Variants in GPRIN3 observed in about 807,000 individuals in gnomAD.
The protein encoded by GPRIN3 is G protein-regulated inducer of neurite outgrowth 3.
A neutral mutation model predicts 13.7 loss-of-function variants in GPRIN3; 12 were observed. The ratio of observed to expected loss-of-function variants is 0.87; its 90% CI spans 0.56 to 1.42. The LOEUF (loss-of-function observed/expected upper bound fraction) is 1.42. GPRIN3 is among the 40% of genes most tolerant of loss of function. GPRIN3 has a pLI of 0.00. For synonymous variants in GPRIN3, 377 were observed against 372.7 expected (o/e 1.01, Z -0.13); for missense variants, 1,009 against 958.7 (o/e 1.05, Z -0.69).
At chr4:89,263,478 C>A (rs1191087223) in intron 1 of GPRIN3, among the ~76,000 whole-genome samples, 1 of 152,118 alleles carries the variant, frequency 6.6e-6, no homozygotes, top group East Asian at 1.9e-4. Context: ...CCCTCCTCTT[C>A]CTGTGTGAAA....
chr4:89,292,288 G>A (rs910142962), intron 1 of GPRIN3, among the ~76,000 whole-genome samples: 2 of 152,048 alleles, frequency 1.3e-5, no homozygotes, highest in African/African-American at 4.8e-5. Context: ...GTATATGTCT[G>A]AAAAAACAGA....
intron 1 of GPRIN3, among the ~76,000 whole-genome samples, chr4:89,304,071 C>T (rs949239303): frequency 1.3e-5 from 2 of 152,150 alleles, no homozygotes; most frequent in African/African-American, 4.8e-5. Flanking sequence ...CATCCAGGTC[C>T]ATCCATCTTT....
In GPRIN3 at chr4:89,249,461, C is replaced by T. The variant is rs1275486265; in HGVS notation, c.650G>A (p.Gly217Asp). The T allele has an allele frequency of 1.2e-6, 2 of 1,614,102 alleles. No individual in the cohort carries two copies. Among genetic ancestry groups the T allele is most frequent in the South Asian group, 1.1e-5 (1 of 91,070 alleles). ...RVVSHSSSPV[G>D]GPEGERQGAI... ...TCCCTGCCTTTCCCCTTCAGGTCCA[C>T]CTACAGGAGAGGATGAGTGACTGAC... Residue 217 changes from glycine to aspartate, a missense_variant, in exon 2 of 2, where the codon GGT (glycine) becomes GAT (aspartate). Physicochemically the swap from Gly to Asp is moderately conservative, Grantham distance 94. Coordinates refer to ENST00000609438, the MANE Select transcript of GPRIN3 (RefSeq NM_198281.3).
intron 1 of GPRIN3, among the ~76,000 whole-genome samples, chr4:89,296,600 G>A (rs1268040547): frequency 1.3e-5 from 2 of 152,000 alleles, no homozygotes; most frequent in East Asian, 1.9e-4. Context: ...TAGTTTCTAG[G>A]TCCAAAGTCC....
At chr4:89,289,530 TTAAAA>T (rs1724515055) in intron 1 of GPRIN3, among the ~76,000 whole-genome samples, 1 of 152,168 alleles carries the variant, frequency 6.6e-6, no homozygotes, top group South Asian at 2.1e-4. Flanking sequence ...ATATAGCTCT[TTAAAA>T]TAAAGCAAGC....
Position 89,248,698 on chromosome 4 carries a change from A to C in GPRIN3, c.1413T>G (p.Ile471Met), listed in dbSNP as rs1723195462. 6.2e-7 allele frequency: 1 copy of C among 1,614,166 alleles called. No individual in the cohort carries two copies. Among genetic ancestry groups the C allele is most frequent in the East Asian group, 2.2e-5 (1 of 44,878 alleles). ...CAGCTTGACTGCATGCACTGATAGA[A>C]ATCTGGTCAATGGCGGTAGCTTTCA... is the stretch of plus-strand genomic sequence containing the variant. ...SSLKATAIDQISISACSQAET... is the reference protein window; with the variant it reads ...SSLKATAIDQMSISACSQAET... Residue 471 changes from isoleucine to methionine, a missense_variant, in exon 2 of 2, where the codon ATT (isoleucine) becomes ATG (methionine). By Grantham distance (10) the Ile-to-Met change is conservative (BLOSUM62 1). Coordinates refer to ENST00000609438, the MANE Select transcript of GPRIN3 (RefSeq NM_198281.3).
Position 89,249,934 on chromosome 4 carries a change from C to A in GPRIN3, c.177G>T (p.Arg59Ser), listed in dbSNP as rs1578073177. 1 of 1,614,060 alleles carries A rather than the reference C, an allele frequency of 6.2e-7. No individual in the cohort carries two copies. The highest frequency in any genetic ancestry group is 1.3e-5 in the African/African-American group (1 of 74,920). ...GAPAEPDLSP[R>S]AAAEALMQVC... ...CCTGCATCAGGGCTTCGGCAGCTGC[C>A]CTGGGGCTGAGGTCTGGTTCTGCAG... The change falls in exon 2 of 2, where the codon AGG becomes AGT. Residue 59 changes from arginine to serine, a missense_variant. Coordinates refer to ENST00000609438, the MANE Select transcript of GPRIN3 (RefSeq NM_198281.3).
chr4:89,284,015 C>T (rs17015323), intron 1 of GPRIN3, among the ~76,000 whole-genome samples: 31,533 of 151,964 alleles, frequency 0.21, 3,522 homozygotes, highest in Non-Finnish European at 0.23. Context: ...TGATTGAATG[C>T]GAAGGATGAA....
intron 1 of GPRIN3, among the ~76,000 whole-genome samples, chr4:89,270,989 G>A (rs1320302873): frequency 6.6e-6 from 1 of 152,086 alleles, no homozygotes; most frequent in Non-Finnish European, 1.5e-5. Flanking sequence ...TGAAGTGGAA[G>A]GATCTGACTA....
chr4:89,256,075 C>G (rs150545897), intron 1 of GPRIN3, among the ~76,000 whole-genome samples: 7 of 152,132 alleles, frequency 4.6e-5, no homozygotes, highest in Non-Finnish European at 1.0e-4. Flanking sequence ...GGCTAAGTAA[C>G]CCACTCAAGA....
At chr4:89,258,176 T>C (rs906657927) in intron 1 of GPRIN3, among the ~76,000 whole-genome samples, 3 of 151,258 alleles carry the variant, frequency 2.0e-5, no homozygotes, top group African/African-American at 7.3e-5. Flanking sequence ...AAGCTTTATG[T>C]GACATAGAAG....
At chr4:89,292,466 C>T (rs536164811) in intron 1 of GPRIN3, among the ~76,000 whole-genome samples, 1 of 152,222 alleles carries the variant, frequency 6.6e-6, no homozygotes, top group South Asian at 2.1e-4. Context: ...AATTAGATCA[C>T]ATATATTTCA....
intron 1 of GPRIN3, among the ~76,000 whole-genome samples, chr4:89,258,973 C>T (rs760134866): frequency 7.2e-5 from 11 of 152,176 alleles, no homozygotes; most frequent in Non-Finnish European, 1.5e-4. Flanking sequence ...AATAAACAAT[C>T]GTGAGTTATT....
intron 1 of GPRIN3, among the ~76,000 whole-genome samples, chr4:89,262,807 C>T (rs879457943): frequency 6.6e-6 from 1 of 152,122 alleles, no homozygotes; most frequent in Non-Finnish European, 1.5e-5. Context: ...GATTTCTCTG[C>T]CCTGCCCACC....
chr4:89,299,918 T>C (rs552300861), intron 1 of GPRIN3, among the ~76,000 whole-genome samples: 10 of 152,302 alleles, frequency 6.6e-5, no homozygotes, highest in South Asian at 2.1e-4. Flanking sequence ...ATCTCAGTCA[T>C]TGGTCTTTAA....
chr4:89,264,173 G>A (rs767603781), intron 1 of GPRIN3, among the ~76,000 whole-genome samples: 1 of 152,138 alleles, frequency 6.6e-6, no homozygotes, highest in Non-Finnish European at 1.5e-5. Context: ...TTAGGTCATG[G>A]GGGTGGATTC....
intron 1 of GPRIN3, among the ~76,000 whole-genome samples, chr4:89,255,792 G>A (rs28432746): frequency 0.19 from 28,215 of 152,054 alleles, 2,962 homozygotes; most frequent in South Asian, 0.43. Flanking sequence ...GTCAAGACCT[G>A]GTTGAGAAGA....
In GPRIN3 at chr4:89,248,204, C is replaced by A; in HGVS notation, c.1907G>T (p.Ser636Ile). Residue 636 changes from serine to isoleucine, a missense_variant, in exon 2 of 2, where the codon AGC (serine) becomes ATC (isoleucine). Physicochemically the swap from Ser to Ile is moderately radical, Grantham distance 142 (BLOSUM62 -2). Coordinates refer to ENST00000609438, the MANE Select transcript of GPRIN3 (RefSeq NM_198281.3). ...CTCCTTGAGGAACTCGCTGACGCGG[C>A]TGGGCCTGCGTGGGCTGGCTTTGAC... is the stretch of plus-strand genomic sequence containing the variant. ...RSVKASPRRP[S>I]RVSEFLKEQK... 1 of 1,614,210 alleles carries A rather than the reference C, an allele frequency of 6.2e-7. No individual in the cohort carries two copies. The highest frequency in any genetic ancestry group is 8.5e-7 in the Non-Finnish European group (1 of 1,180,032).
intron 1 of GPRIN3, among the ~76,000 whole-genome samples, chr4:89,261,769 A>C (rs1018961332): frequency 6.6e-6 from 1 of 152,180 alleles, no homozygotes; most frequent in African/African-American, 2.4e-5. Context: ...TGCTATTTTG[A>C]TGAAATGAAT....
Sources: allele counts gnomAD v4.1 joint callset (sites outside exome capture counted in the v4.1 genomes callset), GRCh38; gene constraint gnomAD v4.1.1; transcripts MANE v1.5; gene names NCBI Gene and HGNC (gene_info 2026-07-23, HGNC 2026-07-21).